BMPR2: variants seen among roughly 807,000 people sequenced by gnomAD.
The protein encoded by BMPR2 is bone morphogenetic protein receptor type 2, also known as bone morphogenetic protein receptor type-2.
BMPR2 carries 29 observed loss-of-function variants against 100.8 expected under a neutral mutation model. That is an observed-to-expected ratio of 0.29 (90% CI 0.21 to 0.39). The LOEUF is 0.39. Among genes scored for constraint, BMPR2 ranks in the 10% least tolerant of loss-of-function variants. The probability of loss-of-function intolerance (pLI) is 1.00; values close to 1 mark genes in which losing one functional copy is unlikely to be tolerated. For missense variants in BMPR2, 1,011 were observed against 1,274.5 expected (o/e 0.79, Z 3.15); for synonymous variants, 382 against 442.3 (o/e 0.86, Z 1.71).
At chr2:202,549,916 G>A (rs1428932089) in intron 10 of BMPR2, among the ~76,000 whole-genome samples, 1 of 151,802 alleles carries the variant, frequency 6.6e-6, no homozygotes, top group South Asian at 2.1e-4. Flanking sequence ...TTTGGGGGTG[G>A]TGGAGGGAGT....
chr2:202,486,357 G>A (rs1323951463), intron 3 of BMPR2, among the ~76,000 whole-genome samples: 1 of 152,046 alleles, frequency 6.6e-6, no homozygotes, highest in Non-Finnish European at 1.5e-5. Context: ...GGCCGGGCAG[G>A]GTGGCTCACG....
chr2:202,469,730 A>C (rs1692396739), intron 3 of BMPR2, among the ~76,000 whole-genome samples: 1 of 150,438 alleles, frequency 6.6e-6, no homozygotes, highest in Non-Finnish European at 1.5e-5. Flanking sequence ...TGATCCGCCC[A>C]CCTCGGCCTC....
intron 1 of BMPR2, among the ~76,000 whole-genome samples, chr2:202,425,348 A>G (rs1691364807): frequency 6.6e-6 from 1 of 152,236 alleles, no homozygotes; most frequent in Non-Finnish European, 1.5e-5. Context: ...AGTAATGTAC[A>G]GGAAACAGAA....
intron 1 of BMPR2, among the ~76,000 whole-genome samples, chr2:202,437,109 G>C (rs564475109): frequency 1.3e-5 from 2 of 150,390 alleles, no homozygotes; most frequent in African/African-American, 5.0e-5. Flanking sequence ...AGGTTCAAGC[G>C]ATTCTTCTGC....
intron 1 of BMPR2, among the ~76,000 whole-genome samples, chr2:202,439,089 CAGTG>C (rs1294090184): frequency 1.3e-5 from 2 of 150,326 alleles, no homozygotes; most frequent in African/African-American, 2.5e-5. Flanking sequence ...GTCTTATAAT[CAGTG>C]AGCATGGGAT....
At chr2:202,461,373 A>T (rs1485694865) in intron 1 of BMPR2, among the ~76,000 whole-genome samples, 1 of 152,078 alleles carries the variant, frequency 6.6e-6, no homozygotes, top group Non-Finnish European at 1.5e-5. Context: ...AATCCCAGCT[A>T]CTTGGGAGGC....
chr2:202,407,704 G>T (rs1690930509), intron 1 of BMPR2, among the ~76,000 whole-genome samples: 1 of 151,546 alleles, frequency 6.6e-6, no homozygotes. Context: ...GGGAGGCGGA[G>T]CTTGCAGTGA....
At chr2:202,483,047 T>A (rs977927539) in intron 3 of BMPR2, among the ~76,000 whole-genome samples, 1 of 152,172 alleles carries the variant, frequency 6.6e-6, no homozygotes, top group African/African-American at 2.4e-5. Flanking sequence ...TTATTTTTTT[T>A]AAATAGTCGC....
In BMPR2 at chr2:202,515,868, A is replaced by G. The variant is rs60024842; in HGVS notation, c.621+889A>G. ...CACGCCACTGCACTCTAGGTGACAG[A>G]GCAGGAATCCGTCTCAAAAAATAAA... On this transcript the variant is annotated intron_variant, in intron 5 of 12. Coordinates refer to ENST00000374580, the MANE Select transcript of BMPR2 (RefSeq NM_001204.7). 5.8e-3 allele frequency among the ~76,000 whole-genome samples: 882 copies of G among 152,272 alleles called. 10 individuals carry two copies. Among genetic ancestry groups the G allele is most frequent in the African/African-American group, 0.02 (842 of 41,570 alleles).
chr2:202,376,509 C>CGAGGCG lies in BMPR2; in HGVS notation c.-964_-959dup, dbSNP rs1553583951. Among the ~76,000 whole-genome samples the CGAGGCG allele has an allele frequency of 1.1e-5, 1 of 91,490 alleles. No homozygotes were observed. Among genetic ancestry groups the CGAGGCG allele is most frequent in the East Asian group, 2.9e-4 (1 of 3,436 alleles). 60.0% of individuals were successfully genotyped at this position (91,490 alleles called of 152,430 possible). On this transcript the variant is annotated 5_prime_UTR_variant, in exon 1 of 13. Transcript: ENST00000374580. ...TCAGGAGCCCAGAGCTGCGGGAGAA[C>CGAGGCG]GAGGCGGCGGCGGCGGCGGCGGCGG...
rs377376839 is a variant in BMPR2 at position 202,532,757 on chromosome 2, T to C, written c.1276+25T>C. On this transcript the variant is annotated intron_variant, in intron 9 of 12. Coordinates refer to ENST00000374580, the MANE Select transcript of BMPR2 (RefSeq NM_001204.7). This position sits in a 1 kb window ranked among gnomAD's most constrained non-coding sequence, Gnocchi z 4.1. ...GGTAAAAACTACTGTCAAAAGTTGA[T>C]ATTTTTTGAAGTGAAGCAGTTATAT... The C allele has an allele frequency of 1.3e-4, 213 of 1,607,086 alleles. No homozygotes were observed. The highest frequency in any genetic ancestry group is 1.7e-4 in the Non-Finnish European group (202 of 1,178,528).
intron 1 of BMPR2, among the ~76,000 whole-genome samples, chr2:202,379,607 G>A (rs1574416870): frequency 6.6e-6 from 1 of 152,292 alleles, no homozygotes; most frequent in East Asian, 1.9e-4. Context: ...TATTGAAGTG[G>A]CTAGTGCAGC....
At chr2:202,446,134 C>T (rs1306800005) in intron 1 of BMPR2, among the ~76,000 whole-genome samples, 1 of 150,602 alleles carries the variant, frequency 6.6e-6, no homozygotes, top group African/African-American at 2.5e-5. Flanking sequence ...GGCGTGGTGG[C>T]TCACGCCTGT....
Position 202,523,933 on chromosome 2 carries a change from A to C in BMPR2, c.967+3732A>C, listed in dbSNP as rs539150358. ...CTGGAGTAGGTTATGCTAAGTAGGA[A>C]TAGAAAACCAAATACCACATTTTCT... On this transcript the variant is annotated intron_variant, in intron 7 of 12. Coordinates refer to ENST00000374580, the MANE Select transcript of BMPR2 (RefSeq NM_001204.7). Among the ~76,000 whole-genome samples, 7 of 152,344 alleles carry C rather than the reference A, an allele frequency of 4.6e-5. No homozygotes were observed. The East Asian group carries it at 1.3e-3, about 29-fold the overall frequency.
rs2105985820 is a variant in BMPR2, at chr2:202,495,611, G to A, written c.419-18108G>A. 6.6e-6 allele frequency among the ~76,000 whole-genome samples: 1 copy of A among 152,240 alleles called. No individual in the cohort carries two copies. The highest frequency in any genetic ancestry group is 2.4e-5 in the African/African-American group (1 of 41,544). On this transcript the variant is annotated intron_variant, in intron 3 of 12. Coordinates refer to ENST00000374580, the MANE Select transcript of BMPR2 (RefSeq NM_001204.7). The surrounding 1 kb of genome is among the most constrained non-coding windows in gnomAD (Gnocchi z 4.5). The stretch of plus-strand genomic sequence containing the variant: ...TTTGGACGGGAAAGCAGGAGTGCCT[G>A]TCCTCACCTAGGTCTGTTGGGGTGG...
rs1687723667 is a variant in BMPR2 at position 202,516,993 on chromosome 2, T to A, written c.622-1829T>A. Reference sequence around the variant, plus strand: ...ATAACGAGAATGGGTTACATTTTGCTGGTTCTTTGGGTGTTGAGTAATTTT... The same window carrying A: ...ATAACGAGAATGGGTTACATTTTGCAGGTTCTTTGGGTGTTGAGTAATTTT... On this transcript the variant is annotated intron_variant, in intron 5 of 12. Coordinates refer to ENST00000374580, the MANE Select transcript of BMPR2 (RefSeq NM_001204.7). 2.0e-5 allele frequency among the ~76,000 whole-genome samples: 3 copies of A among 152,284 alleles called. No homozygotes were observed. In the South Asian group the frequency reaches 6.2e-4, roughly 32 times the overall value.
At chr2:202,422,153 C>T (rs531817322) in intron 1 of BMPR2, among the ~76,000 whole-genome samples, 19 of 151,752 alleles carry the variant, frequency 1.3e-4, no homozygotes, top group Admixed American at 2.6e-4. Context: ...GTGATCTGCC[C>T]GCGTCGGCCT....
intron 3 of BMPR2, among the ~76,000 whole-genome samples, chr2:202,471,812 T>A (rs1168778462): frequency 1.3e-5 from 2 of 152,194 alleles, no homozygotes; most frequent in African/African-American, 2.4e-5. Flanking sequence ...CTGATAATAC[T>A]GTGGTTTTAT....
At chr2:202,476,266 C>T (rs1692549966) in intron 3 of BMPR2, among the ~76,000 whole-genome samples, 1 of 145,070 alleles carries the variant, frequency 6.9e-6, no homozygotes, top group Non-Finnish European at 1.5e-5. Flanking sequence ...TTCCATGTGT[C>T]CCTCTCTTCC....
Sources: allele counts gnomAD v4.1 joint callset (sites outside exome capture counted in the v4.1 genomes callset), GRCh38; gene constraint gnomAD v4.1.1; non-coding constraint Gnocchi (gnomAD v3.1); transcripts MANE v1.5; gene names NCBI Gene and HGNC (gene_info 2026-07-23, HGNC 2026-07-21).